The following FBXL20 variants were observed in gnomAD, a reference collection of about 807,000 sequenced individuals.
FBXL20 encodes the protein F-box and leucine rich repeat protein 20, also known as F-box/LRR-repeat protein 20.
A neutral mutation model predicts 64.0 loss-of-function variants in FBXL20; 11 were observed. The observed-to-expected ratio is 0.17, with a 90% confidence interval of 0.11 to 0.28. FBXL20 has a LOEUF of 0.28. Ranked by LOEUF, FBXL20 falls within the 10% of genes least tolerant of loss-of-function variation. The pLI is 1.00. For synonymous variants in FBXL20, 184 were observed against 189.0 expected, an observed-to-expected ratio of 0.97 and a Z score of 0.22; for missense variants, 303 against 526.2, an observed-to-expected ratio of 0.58 and a Z score of 4.15.
At chr17:39,344,789 C>G (rs1567889727) in intron 1 of FBXL20, among the ~76,000 whole-genome samples, 1 of 152,034 alleles carries the variant, frequency 6.6e-6, no homozygotes, top group East Asian at 1.9e-4. Flanking sequence ...TACTCTATCT[C>G]AATAAAAATA....
intron 1 of FBXL20, among the ~76,000 whole-genome samples, chr17:39,374,481 C>T (rs1277990208): frequency 6.6e-6 from 1 of 151,202 alleles, no homozygotes; most frequent in African/African-American, 2.4e-5. Context: ...GCGGAGGTTG[C>T]AGTGAGCCAA....
At chr17:39,362,991 TTTTA>T (rs1276749763) in intron 1 of FBXL20, among the ~76,000 whole-genome samples, 2 of 151,628 alleles carry the variant, frequency 1.3e-5, no homozygotes, top group African/African-American at 2.4e-5. Context: ...CTTTCCTACA[TTTTA>T]TTTATTTATT....
At chr17:39,297,709 T>C (rs2047098734) in intron 5 of FBXL20, among the ~76,000 whole-genome samples, 1 of 151,940 alleles carries the variant, frequency 6.6e-6, no homozygotes, top group African/African-American at 2.4e-5. Flanking sequence ...CTAAATGCTG[T>C]GATTACAGGT....
chr17:39,379,121 G>A lies in FBXL20; in HGVS notation c.42+22240C>T, dbSNP rs577403892. On this transcript the variant is annotated intron_variant, in intron 1 of 14. Transcript: ENST00000264658. Reference sequence around the variant, plus strand: ...CATGCCTATAATCCCAGCTACTTGGGAGGCTGAGGCAGGAGAATCGCTTGA... The same window carrying A: ...CATGCCTATAATCCCAGCTACTTGGAAGGCTGAGGCAGGAGAATCGCTTGA... Among the ~76,000 whole-genome samples, 24 of 150,390 alleles carry A rather than the reference G, an allele frequency of 1.6e-4. No homozygotes were observed. In the East Asian group the frequency reaches 4.6e-3, roughly 29 times the overall value.
At position 39,392,692 on chromosome 17, in the gene FBXL20, G is replaced by A. The variant is rs114754309; in HGVS notation, c.42+8669C>T. On this transcript the variant is annotated intron_variant, in intron 1 of 14. Coordinates refer to ENST00000264658, the MANE Select transcript of FBXL20 (RefSeq NM_032875.3). ...CATGAAGTGCCCAGAATAGCTATAC[G>A]TATGGTATCTTATTATCACAAATTA... Among the ~76,000 whole-genome samples, 1,398 of 152,012 alleles carry A rather than the reference G, an allele frequency of 9.2e-3. 18 individuals carry two copies. Among genetic ancestry groups the A allele is most frequent in the African/African-American group, 0.032 (1,318 of 41,446 alleles).
intron 1 of FBXL20, among the ~76,000 whole-genome samples, chr17:39,381,800 A>G (rs1219911271): frequency 6.6e-6 from 1 of 150,696 alleles, no homozygotes; most frequent in East Asian, 1.9e-4. Flanking sequence ...CTGAAGGGAA[A>G]AAAAAAAAAA....
At chr17:39,310,962 G>C (rs2047230176) in intron 2 of FBXL20, among the ~76,000 whole-genome samples, 2 of 151,978 alleles carry the variant, frequency 1.3e-5, no homozygotes, top group South Asian at 4.2e-4. Context: ...CTCCAGCCTA[G>C]GCAACAAAGT....
chr17:39,332,618 T>G (rs1411292142), intron 2 of FBXL20, among the ~76,000 whole-genome samples: 1 of 147,492 alleles, frequency 6.8e-6, no homozygotes, highest in Non-Finnish European at 1.5e-5. Context: ...CTCGGCTCAC[T>G]GCAAGCTCCG....
intron 2 of FBXL20, among the ~76,000 whole-genome samples, chr17:39,332,060 A>C (rs1474932454): frequency 6.6e-6 from 1 of 152,236 alleles, no homozygotes; most frequent in African/African-American, 2.4e-5. Context: ...CAAGTGTATG[A>C]CAGAATCCAG....
At chr17:39,354,900 T>C (rs2047720986) in intron 1 of FBXL20, among the ~76,000 whole-genome samples, 1 of 152,106 alleles carries the variant, frequency 6.6e-6, no homozygotes, top group Admixed American at 6.6e-5. Context: ...TTTCAAGGGA[T>C]GTTCACCACA....
At chr17:39,397,073 A>G (rs2048191281) in intron 1 of FBXL20, among the ~76,000 whole-genome samples, 1 of 152,054 alleles carries the variant, frequency 6.6e-6, no homozygotes, top group African/African-American at 2.4e-5. Flanking sequence ...AGACAGGTCC[A>G]GGTAATTTTT....
chr17:39,343,263 G>T, intron 1 of FBXL20, 22 bp from the exon 2 acceptor site: 1 of 1,549,794 alleles, frequency 6.5e-7, no homozygotes, highest in Non-Finnish European at 8.8e-7. Context: ...AAATCATAGT[G>T]TCAAGTGTTA....
rs2046680725 is a variant in FBXL20 at position 39,254,865 on chromosome 17, A to G, written c.*6595T>C. On this transcript the variant is annotated 3_prime_UTR_variant, in exon 15 of 15. Transcript: ENST00000264658. The stretch of plus-strand genomic sequence containing the variant: ...ATTTTGCTTGTTCATGGTTCTTTGT[A>G]AAACAGCAATAAACCACCCTGGCTG... 6.5e-6 allele frequency: 1 copy of G among 153,420 alleles called. No homozygotes were observed. Among genetic ancestry groups the G allele is most frequent in the African/African-American group, 2.4e-5 (1 of 41,498 alleles). 9.5% of individuals were successfully genotyped at this position (153,420 alleles called of 1,614,324 possible).
At chr17:39,372,387 C>T (rs544702034) in intron 1 of FBXL20, among the ~76,000 whole-genome samples, 65 of 151,020 alleles carry the variant, frequency 4.3e-4, no homozygotes, top group Non-Finnish European at 7.7e-4. Flanking sequence ...GGCATGGTGA[C>T]GTGCGCCTGT....
chr17:39,281,633 G>T (rs889674549), intron 8 of FBXL20, among the ~76,000 whole-genome samples, 170 bp from the exon 9 acceptor site: 1 of 152,130 alleles, frequency 6.6e-6, no homozygotes, highest in African/African-American at 2.4e-5. Context: ...TTCTTATTAT[G>T]ATTCTCAGTA....
At chr17:39,389,001 G>A (rs2048110184) in intron 1 of FBXL20, among the ~76,000 whole-genome samples, 1 of 149,458 alleles carries the variant, frequency 6.7e-6, no homozygotes, top group African/African-American at 2.5e-5. Context: ...CTACTAGGGA[G>A]GCTGAGGCAG....
intron 1 of FBXL20, among the ~76,000 whole-genome samples, chr17:39,384,576 T>C (rs1183290752): frequency 6.6e-6 from 1 of 151,780 alleles, no homozygotes; most frequent in Non-Finnish European, 1.5e-5. Flanking sequence ...TTTGTATAAA[T>C]TAAAACTTAT....
intron 1 of FBXL20, among the ~76,000 whole-genome samples, chr17:39,379,148 C>G (rs1173145064): frequency 2.0e-5 from 3 of 149,810 alleles, no homozygotes; most frequent in African/African-American, 7.3e-5. Context: ...ATCGCTTGAA[C>G]CCAGGAGGCG....
At chr17:39,340,558 G>C (rs960327791) in intron 2 of FBXL20, among the ~76,000 whole-genome samples, 1 of 152,110 alleles carries the variant, frequency 6.6e-6, no homozygotes, top group African/African-American at 2.4e-5. Flanking sequence ...TTAATTTCCT[G>C]ATTTTGATAA....
Sources: allele counts gnomAD v4.1 joint callset (sites outside exome capture counted in the v4.1 genomes callset), GRCh38; gene constraint gnomAD v4.1.1; transcripts MANE v1.5; gene names NCBI Gene and HGNC (gene_info 2026-07-23, HGNC 2026-07-21).